The following CD226 variants were observed in gnomAD, a reference collection of about 807,000 sequenced individuals.
The protein encoded by CD226 is CD226 molecule.
In CD226, 24 loss-of-function variants were observed where a neutral mutation model predicts 34.9. The observed-to-expected ratio is 0.69, with a 90% CI of 0.50 to 0.97. The LOEUF (loss-of-function observed/expected upper bound fraction) is 0.97. CD226 is among the 50% of genes least tolerant of loss of function. CD226 has a pLI of 0.00. For synonymous variants in CD226, 148 were observed against 147.4 expected (o/e 1.00, Z -0.03); for missense variants, 397 against 412.7 (o/e 0.96, Z 0.33).
chr18:69,881,684 A>G (rs1984271527), intron 3 of CD226, among the ~76,000 whole-genome samples: 1 of 152,144 alleles, frequency 6.6e-6, no homozygotes, highest in Non-Finnish European at 1.5e-5. Context: ...TTTCATGTTG[A>G]GATGTCACAT....
intron 2 of CD226, among the ~76,000 whole-genome samples, chr18:69,928,177 C>G (rs147191740): frequency 6.6e-6 from 1 of 152,188 alleles, no homozygotes; most frequent in African/African-American, 2.4e-5. Flanking sequence ...TTCACTTACT[C>G]GAAAGTACTC....
chr18:69,895,270 A>C (rs554385888), intron 3 of CD226, among the ~76,000 whole-genome samples: 1 of 152,162 alleles, frequency 6.6e-6, no homozygotes, highest in African/African-American at 2.4e-5. Flanking sequence ...AATGCACTCA[A>C]CGCAGCCCTG....
In CD226 at chr18:69,895,782, C is replaced by T. The variant is rs938642396; in HGVS notation, c.646G>A (p.Asp216Asn). ...VIVIPDVTVS[D>N]SGLYRCYLQA... ...AAGTAGCAGCGGTAAAGCCCCGAGT[C>T]TGAGACTGTGACATCGGGGATGACG... is the stretch of plus-strand genomic sequence containing the variant. The change falls in exon 3 of 6, where the codon GAC becomes AAC. Residue 216 changes from aspartate (D) to asparagine (N), a missense_variant. Physicochemically the swap from Asp to Asn is conservative, Grantham distance 23. Coordinates refer to ENST00000582621, the MANE Select transcript of CD226 (RefSeq NM_001303618.2). 2 of 1,614,064 alleles carry T rather than the reference C, an allele frequency of 1.2e-6. No individual in the cohort carries two copies. Among genetic ancestry groups the T allele is most frequent in the Non-Finnish European group, 1.7e-6 (2 of 1,180,038 alleles).
chr18:69,876,828 A>G (rs1983893799), intron 3 of CD226, among the ~76,000 whole-genome samples: 1 of 145,716 alleles, frequency 6.9e-6, no homozygotes, highest in Non-Finnish European at 1.5e-5. Flanking sequence ...CCCTTCAGAC[A>G]CCAATTGCAA....
intron 3 of CD226, among the ~76,000 whole-genome samples, chr18:69,875,911 G>T (rs1610555): frequency 0.47 from 71,288 of 151,932 alleles, 17,841 homozygotes; most frequent in African/African-American, 0.65. Context: ...GAGGTGGGAG[G>T]GCAGAAGATA....
chr18:69,916,857 AC>A (rs2145299607), intron 2 of CD226, among the ~76,000 whole-genome samples: 1 of 152,274 alleles, frequency 6.6e-6, no homozygotes, highest in African/African-American at 2.4e-5. Context: ...CGAATTCTGA[AC>A]CTTTGTGACA....
intron 2 of CD226, among the ~76,000 whole-genome samples, chr18:69,926,262 C>G (rs1386671894): frequency 6.6e-6 from 1 of 152,006 alleles, no homozygotes; most frequent in Non-Finnish European, 1.5e-5. Flanking sequence ...CTTTTCCATC[C>G]TCTTACATCT....
chr18:69,881,129 C>T (rs1427313311), intron 3 of CD226, among the ~76,000 whole-genome samples: 4 of 152,074 alleles, frequency 2.6e-5, no homozygotes, highest in African/African-American at 7.2e-5. Context: ...AATATCACAG[C>T]GTACCCCCAA....
chr18:69,885,928 C>T (rs1054801496), intron 3 of CD226, among the ~76,000 whole-genome samples: 8 of 148,300 alleles, frequency 5.4e-5, no homozygotes, highest in African/African-American at 9.7e-5. Context: ...GAACCACCCC[C>T]GCTCCCCGAC....
At chr18:69,959,684 A>AAAT (rs2055920499), upstream of CD226, among the ~76,000 whole-genome samples, 1 of 152,224 alleles carries the variant, frequency 6.6e-6, no homozygotes, top group Non-Finnish European at 1.5e-5. Context: ...ACCCCTATTA[A>AAAT]AATAATAGAT....
intron 4 of CD226, among the ~76,000 whole-genome samples, chr18:69,872,057 G>GGTGTGTGTGTGTGTGTGTGT (rs201644137): frequency 1.0e-4 from 15 of 143,534 alleles, no homozygotes; most frequent in African/African-American, 3.1e-4. Context: ...ATTAACAAGG[G>GGTGTGTGTGTGTGTGTGTGT]GTGTGTGTGT....
Position 69,856,402 on chromosome 18 carries a change from GA to G in CD226, c.*7911del, listed in dbSNP as rs1489195173. 6.6e-6 allele frequency: 1 copy of G among 152,214 alleles called. No individual in the cohort carries two copies. Among genetic ancestry groups the G allele is most frequent in the East Asian group, 1.9e-4 (1 of 5,200 alleles). The allele number at this position is 152,214 out of a possible 1,614,324, so 9.4% of individuals were successfully genotyped here. On this transcript the variant is annotated 3_prime_UTR_variant, in exon 6 of 6. Coordinates refer to ENST00000582621, the MANE Select transcript of CD226 (RefSeq NM_001303618.2). ...GATCTGTCAGTATGTGATAGATCAA[GA>G]AGAGGGAAAATCAGAAAGGATATAG...
intron 3 of CD226, among the ~76,000 whole-genome samples, chr18:69,887,910 T>G (rs1984655661): frequency 6.6e-6 from 1 of 152,246 alleles, no homozygotes; most frequent in African/African-American, 2.4e-5. Flanking sequence ...CTGAATCATT[T>G]TAGTATAAAT....
At chr18:69,941,470 A>G (rs1231943469) in intron 2 of CD226, among the ~76,000 whole-genome samples, 1 of 152,256 alleles carries the variant, frequency 6.6e-6, no homozygotes, top group African/African-American at 2.4e-5. Context: ...CACCTCTTGC[A>G]TCAGCATGCC....
intron 3 of CD226, among the ~76,000 whole-genome samples, chr18:69,880,312 AAGAAAGAAAAAGAAAGAG>A (rs1984146310): frequency 8.0e-6 from 1 of 124,292 alleles, no homozygotes; most frequent in African/African-American, 3.5e-5. Flanking sequence ...AAGAGAAAGA[AAGAAAGAAAAAGAAAGAG>A]AGAAAGAAAG....
intron 4 of CD226, among the ~76,000 whole-genome samples, chr18:69,872,409 GTT>G (rs34253062): frequency 4.0e-5 from 6 of 151,758 alleles, no homozygotes; most frequent in Non-Finnish European, 4.4e-5. Context: ...ACAGTAAAAG[GTT>G]TTTTTAATTT....
At chr18:69,913,691 AG>A (rs1353331863) in intron 2 of CD226, among the ~76,000 whole-genome samples, 2 of 152,216 alleles carry the variant, frequency 1.3e-5, no homozygotes, top group Non-Finnish European at 2.9e-5. Context: ...AGGAGGCAGG[AG>A]AAGTCTCTGC....
rs1399440373 is a variant in CD226 at position 69,873,452 on chromosome 18, G to GT, written c.728-207dup. Among the ~76,000 whole-genome samples, 16 of 150,922 alleles carry GT rather than the reference G, an allele frequency of 1.1e-4. No individual in the cohort carries two copies. The Admixed American group carries it at 1.1e-3, about 10-fold the overall frequency. ...TCTAACTCCTAATAGATTTTTATTTGTTTTTTGATTAAGCTGAGTTTTACA... is the reference window on the plus strand; with the variant it reads ...TCTAACTCCTAATAGATTTTTATTTGTTTTTTTGATTAAGCTGAGTTTTACA... On this transcript the variant is annotated intron_variant, in intron 3 of 5. Coordinates refer to ENST00000582621, the MANE Select transcript of CD226 (RefSeq NM_001303618.2).
chr18:69,923,001 C>T (rs891185882), intron 2 of CD226, among the ~76,000 whole-genome samples: 8 of 151,874 alleles, frequency 5.3e-5, no homozygotes, highest in African/African-American at 1.5e-4. Flanking sequence ...AGCATGGTGG[C>T]GGGCACCTGT....
Sources: allele counts gnomAD v4.1 joint callset (sites outside exome capture counted in the v4.1 genomes callset), GRCh38; gene constraint gnomAD v4.1.1; transcripts MANE v1.5; gene names NCBI Gene and HGNC (gene_info 2026-07-23, HGNC 2026-07-21).